Variants in FAP observed in about 807,000 individuals in gnomAD.
FAP encodes the protein prolyl endopeptidase FAP.
A neutral mutation model predicts 126.5 loss-of-function variants in FAP; 110 were observed. That is an observed-to-expected ratio of 0.87 (90% CI 0.74 to 1.02). The LOEUF (loss-of-function observed/expected upper bound fraction) is 1.02, where lower values mean the gene tolerates loss of function less well. Ranked by LOEUF, FAP falls within the 50% of genes least tolerant of loss-of-function variation. The pLI is 0.00. For synonymous variants in FAP, 334 were observed against 297.3 expected (o/e 1.12, Z -1.27); for missense variants, 919 against 909.2 (o/e 1.01, Z -0.14).
rs1368792998 is a variant in FAP at position 162,202,871 on chromosome 2, C to T, written c.1223+1G>A. 1.9e-6 allele frequency: 3 copies of T among 1,611,854 alleles called. No individual in the cohort carries two copies. In the Admixed American group the frequency reaches 5.0e-5, roughly 27 times the overall value. Reference sequence around the variant, plus strand: ...TGCATCGTGCTTCGTGCAATACTTACAGTGAATCCTGTGTTACTCTGAATA... The same window carrying T: ...TGCATCGTGCTTCGTGCAATACTTATAGTGAATCCTGTGTTACTCTGAATA... On this transcript the variant is annotated splice_donor_variant, in intron 14 of 25. Transcript: ENST00000188790. LOFTEE classifies it high-confidence loss of function.
rs150161783 is a variant in FAP, at chr2:162,218,044, G to A, written c.704C>T (p.Ala235Val). 1.8e-4 allele frequency: 284 copies of A among 1,604,790 alleles called. No homozygotes were observed. The highest frequency in any genetic ancestry group is 2.2e-4 in the Non-Finnish European group (255 of 1,174,536). ...EFNDTDIPVI[A>V]YSYYGDEQYP... The stretch of plus-strand genomic sequence containing the variant: ...TTGTTCATCGCCATAATAGGAATAG[G>A]CAATAACTGGTATATCCGTATCATT... Residue 235 changes from alanine (A) to valine (V), a missense_variant, in exon 9 of 26, where the codon GCC becomes GTC. Physicochemically the swap from Ala to Val is moderately conservative, Grantham distance 64. Coordinates refer to ENST00000188790, the MANE Select transcript of FAP (RefSeq NM_004460.5).
Position 162,227,148 on chromosome 2 carries a change from C to T in FAP, c.92-527G>A, listed in dbSNP as rs114068882. On this transcript the variant is annotated intron_variant, in intron 2 of 25. Transcript: ENST00000188790. ...TTGGTCAAATGAGATTGGCCAGAAC[C>T]CTTACCTTCAGAAATCTCAAGAAAG... Among the ~76,000 whole-genome samples, 97 of 152,112 alleles carry T rather than the reference C, an allele frequency of 6.4e-4. No homozygotes were observed. In the East Asian group the frequency reaches 0.014, roughly 22 times the overall value.
chr2:162,203,544 C>T (rs183750981), intron 12 of FAP, among the ~76,000 whole-genome samples: 2 of 152,164 alleles, frequency 1.3e-5, no homozygotes, highest in Non-Finnish European at 2.9e-5. Flanking sequence ...TCTTTTAATT[C>T]TTGATTTGTC....
rs561671415 is a variant in FAP, at chr2:162,188,989, C to T, written c.1619+114G>A. On this transcript the variant is annotated intron_variant, in intron 19 of 25. Transcript: ENST00000188790. The stretch of plus-strand genomic sequence containing the variant: ...TGATTAGTTGAAGAATATATAAAAA[C>T]AGCATCAATAGGCACTGTTACCAAG... The T allele has an allele frequency of 1.1e-5, 6 of 525,168 alleles. No individual in the cohort carries two copies. In the African/African-American group the frequency reaches 1.2e-4, roughly 10 times the overall value. 32.5% of individuals were successfully genotyped at this position (525,168 alleles called of 1,614,324 possible). A position where few individuals can be genotyped will look rare whatever the true frequency, so the allele number is the denominator to read the frequency against.
chr2:162,194,836 G>C (rs1688188483), intron 16 of FAP, 88 bp from the exon 17 acceptor site: 1 of 1,129,182 alleles, frequency 8.9e-7, no homozygotes, highest in African/African-American at 1.5e-5. Context: ...TTTGTGATTA[G>C]TGTCAAGTGC....
At chr2:162,183,383 T>C in intron 21 of FAP, 31 bp downstream of exon 21, 1 of 1,518,766 alleles carries the variant, frequency 6.6e-7, no homozygotes. Context: ...CTGAACTGAA[T>C]AACAGGCATA....
chr2:162,197,193 G>A (rs953264610), intron 16 of FAP, among the ~76,000 whole-genome samples: 4 of 152,178 alleles, frequency 2.6e-5, no homozygotes, highest in Non-Finnish European at 4.4e-5. Flanking sequence ...GCAAGGGACA[G>A]CAATGTTACC....
chr2:162,212,386 T>A (rs868419394), intron 11 of FAP, among the ~76,000 whole-genome samples: 2 of 152,336 alleles, frequency 1.3e-5, no homozygotes, highest in Middle Eastern at 6.8e-3. Context: ...TCTAATTAAC[T>A]AGCATAATCA....
chr2:162,191,953 A>T (rs777243869), intron 17 of FAP, among the ~76,000 whole-genome samples: 2 of 152,050 alleles, frequency 1.3e-5, no homozygotes, highest in Non-Finnish European at 2.9e-5. Context: ...CTGTCTCATC[A>T]CATCACAAGA....
intron 16 of FAP, chr2:162,198,355 ATT>A: frequency 7.8e-7 from 1 of 1,282,090 alleles, no homozygotes; most frequent in Non-Finnish European, 1.0e-6. Flanking sequence ...TCCAGCAACC[ATT>A]TTATCAGAGA....
intron 2 of FAP, among the ~76,000 whole-genome samples, chr2:162,236,736 T>G (rs899411453): frequency 6.6e-6 from 1 of 152,122 alleles, no homozygotes; most frequent in African/African-American, 2.4e-5. Flanking sequence ...GCCTCCTGAG[T>G]AGCAGAGGTT....
intron 21 of FAP, among the ~76,000 whole-genome samples, chr2:162,178,153 A>T (rs1039108659): frequency 2.0e-5 from 3 of 152,238 alleles, no homozygotes; most frequent in African/African-American, 7.2e-5. Flanking sequence ...AATTCAAATT[A>T]CTTATAATTA....
chr2:162,196,423 G>A (rs1256123981), intron 16 of FAP, among the ~76,000 whole-genome samples: 1 of 151,664 alleles, frequency 6.6e-6, no homozygotes, highest in Non-Finnish European at 1.5e-5. Context: ...GCAAAGAAAT[G>A]AGACATGAAT....
intron 12 of FAP, among the ~76,000 whole-genome samples, chr2:162,207,947 G>A (rs571175823): frequency 1.3e-5 from 2 of 151,682 alleles, no homozygotes; most frequent in Non-Finnish European, 2.9e-5. Context: ...CTGACACTGA[G>A]GGTGTTTTTT....
chr2:162,202,289 G>A (rs897934894), intron 14 of FAP, among the ~76,000 whole-genome samples: 2 of 152,252 alleles, frequency 1.3e-5, no homozygotes, highest in Non-Finnish European at 1.5e-5. Context: ...TGTTCAGGTT[G>A]ATAATAACAG....
At chr2:162,229,295 T>C (rs1316608901) in intron 2 of FAP, among the ~76,000 whole-genome samples, 2 of 152,152 alleles carry the variant, frequency 1.3e-5, no homozygotes, top group African/African-American at 4.8e-5. Context: ...ATGTTACCTT[T>C]TAGCATTATC....
At chr2:162,218,247 G>A in intron 8 of FAP, 107 bp from the exon 9 acceptor site, 5 of 743,720 alleles carry the variant, frequency 6.7e-6, no homozygotes, top group Non-Finnish European at 8.3e-6. Context: ...TATTTAATGT[G>A]GATGTGACAT....
Position 162,184,740 on chromosome 2 carries a change from CA to C in FAP, c.1815-1273del, listed in dbSNP as rs1264871303. Among the ~76,000 whole-genome samples, 9 of 151,936 alleles carry C rather than the reference CA, an allele frequency of 5.9e-5. No individual in the cohort carries two copies. The South Asian group carries it at 1.7e-3, about 28-fold the overall frequency. ...CAATTCTTGCACAAACTTCAAAAAT[CA>C]AATGAAAGAAGAGAAGGTTCACTTT... On this transcript the variant is annotated intron_variant, in intron 20 of 25. Transcript: ENST00000188790.
intron 14 of FAP, among the ~76,000 whole-genome samples, chr2:162,201,866 A>T (rs1230273097): frequency 6.6e-6 from 1 of 152,108 alleles, no homozygotes. Flanking sequence ...CTCCGCCTTC[A>T]GTTTTTCCCC....
Sources: allele counts gnomAD v4.1 joint callset (sites outside exome capture counted in the v4.1 genomes callset), GRCh38; gene constraint gnomAD v4.1.1; transcripts MANE v1.5; gene names NCBI Gene and HGNC (gene_info 2026-07-23, HGNC 2026-07-21).